CDK5RAP2: variants seen among roughly 807,000 people sequenced by gnomAD.
CDK5RAP2 encodes CDK5 regulatory subunit-associated protein 2.
A neutral mutation model predicts 232.9 loss-of-function variants in CDK5RAP2; 147 were observed. The ratio of observed to expected loss-of-function variants is 0.63; its 90% CI spans 0.55 to 0.72. The LOEUF (loss-of-function observed/expected upper bound fraction) is 0.72. Among genes scored for constraint, CDK5RAP2 ranks in the 30% least tolerant of loss-of-function variants. CDK5RAP2 has a pLI of 0.00. For missense variants in CDK5RAP2, 2,195 were observed against 2,231.5 expected (o/e 0.98, Z 0.33); for synonymous variants, 833 against 833.7 (o/e 1.00, Z 0.01).
rs777679808 is a variant in CDK5RAP2 at position 120,580,000 on chromosome 9, G to C, written c.-22C>G. 1 of 1,548,482 alleles carries C rather than the reference G, an allele frequency of 6.5e-7. No individual in the cohort carries two copies. Among genetic ancestry groups the C allele is most frequent in the East Asian group, 2.3e-5 (1 of 44,354 alleles). On this transcript the variant is annotated 5_prime_UTR_variant, in exon 1 of 38. Coordinates refer to ENST00000349780, the MANE Select transcript of CDK5RAP2 (RefSeq NM_018249.6). ...TCATGGCTACAGAGGTGGCGACAGC[G>C]TTGGTGTCTGTGGCGGCGGCGCCAC...
At chr9:120,546,025 G>A (rs2041827903) in intron 4 of CDK5RAP2, among the ~76,000 whole-genome samples, 1 of 152,192 alleles carries the variant, frequency 6.6e-6, no homozygotes, top group Non-Finnish European at 1.5e-5. Context: ...TTATGTAAAT[G>A]CTCCAAGCTT....
At chr9:120,571,576 C>T (rs550449404) in intron 2 of CDK5RAP2, among the ~76,000 whole-genome samples, 28 of 152,324 alleles carry the variant, frequency 1.8e-4, no homozygotes, top group African/African-American at 6.5e-4. Flanking sequence ...GGGCCTCAGC[C>T]GGCAAACAGG....
chr9:120,539,661 G>A (rs77976546), intron 5 of CDK5RAP2, among the ~76,000 whole-genome samples: 146 of 152,326 alleles, frequency 9.6e-4, no homozygotes, highest in South Asian at 3.1e-3. Context: ...TACAAAGTAA[G>A]TATTCAATAA....
intron 22 of CDK5RAP2, among the ~76,000 whole-genome samples, chr9:120,444,102 A>C (rs2036053617): frequency 6.6e-6 from 1 of 152,216 alleles, no homozygotes; most frequent in Non-Finnish European, 1.5e-5. Flanking sequence ...CAAAAAATAA[A>C]AACAGTATTG....
At chr9:120,513,436 C>T (rs1425169756) in intron 12 of CDK5RAP2, among the ~76,000 whole-genome samples, 2 of 152,204 alleles carry the variant, frequency 1.3e-5, no homozygotes, top group Admixed American at 6.5e-5. Flanking sequence ...CAACTTCTCT[C>T]GGGTTAATCT....
chr9:120,550,923 G>A (rs2042019953), intron 3 of CDK5RAP2, 21 bp from the exon 4 acceptor site: 1 of 1,420,480 alleles, frequency 7.0e-7, no homozygotes, highest in Non-Finnish European at 1.0e-6. Context: ...TCACAGAAGG[G>A]TCATCAAAAG....
intron 5 of CDK5RAP2, among the ~76,000 whole-genome samples, chr9:120,542,612 TA>T (rs1273182348): frequency 1.3e-5 from 2 of 152,078 alleles, no homozygotes; most frequent in Non-Finnish European, 2.9e-5. Flanking sequence ...TACAAAAATT[TA>T]AAAAGAACAT....
chr9:120,476,314 T>C (rs1399368460), intron 15 of CDK5RAP2, among the ~76,000 whole-genome samples: 2 of 152,076 alleles, frequency 1.3e-5, no homozygotes, highest in Admixed American at 6.5e-5. Context: ...GTTCTTTTGA[T>C]ATTCCCACCC....
intron 12 of CDK5RAP2, among the ~76,000 whole-genome samples, chr9:120,493,027 G>A (rs1368645588): frequency 6.6e-6 from 1 of 152,186 alleles, no homozygotes; most frequent in Non-Finnish European, 1.5e-5. Flanking sequence ...GTTCTTCAAA[G>A]CAGTGGTTCT....
At chr9:120,402,007 T>G (rs2033065167) in intron 34 of CDK5RAP2, among the ~76,000 whole-genome samples, 1 of 151,554 alleles carries the variant, frequency 6.6e-6, no homozygotes, top group Non-Finnish European at 1.5e-5. Context: ...TTTATATATA[T>G]ACTGCCAGGC....
In CDK5RAP2 at chr9:120,518,208, TGTGAGAGAGAGAGA is replaced by T. The variant is rs1371823895; in HGVS notation, c.1311+205_1311+218del. ...GTGTGTGTGTGTGTGTGTGTGTGTG[TGTGAGAGAGAGAGA>T]GAGAGAGAGAGAGAGAGAGAGCGAG... On this transcript the variant is annotated intron_variant, in intron 12 of 37. Coordinates refer to ENST00000349780, the MANE Select transcript of CDK5RAP2 (RefSeq NM_018249.6). Among the ~76,000 whole-genome samples, 332 of 111,464 alleles carry T rather than the reference TGTGAGAGAGAGAGA, an allele frequency of 3.0e-3. 1 individual carries two copies. Among genetic ancestry groups the T allele is most frequent in the African/African-American group, 0.013 (322 of 24,006 alleles). 73.1% of individuals were successfully genotyped at this position (111,464 alleles called of 152,430 possible). A position where few individuals can be genotyped will look rare whatever the true frequency, so the allele number is the denominator to read the frequency against.
chr9:120,392,530 T>C (rs569508099), intron 36 of CDK5RAP2, among the ~76,000 whole-genome samples: 1 of 152,338 alleles, frequency 6.6e-6, no homozygotes, highest in East Asian at 1.9e-4. Flanking sequence ...CCTGTGACTG[T>C]TCAGGGCCAA....
At position 120,439,129 on chromosome 9, in the gene CDK5RAP2, T is replaced by G. The variant is rs573635496; in HGVS notation, c.3722+270A>C. Among the ~76,000 whole-genome samples, 7 of 152,220 alleles carry G rather than the reference T, an allele frequency of 4.6e-5. No individual in the cohort carries two copies. The East Asian group carries it at 1.4e-3, about 29-fold the overall frequency. The stretch of plus-strand genomic sequence containing the variant: ...GAAACCTTTACCCTGAGCCCCCAAC[T>G]TGAGGAGGGCGAAATCTGCCCTGCA... On this transcript the variant is annotated intron_variant, in intron 24 of 37. Transcript: ENST00000349780.
At chr9:120,458,094 C>T (rs2036881865) in intron 20 of CDK5RAP2, among the ~76,000 whole-genome samples, 2 of 152,192 alleles carry the variant, frequency 1.3e-5, no homozygotes, top group East Asian at 1.9e-4. Context: ...AGCAGAATCA[C>T]AACTACAATG....
At chr9:120,538,955 G>T in intron 6 of CDK5RAP2, 86 bp downstream of exon 6, 1 of 1,411,824 alleles carries the variant, frequency 7.1e-7, no homozygotes, top group Non-Finnish European at 1.0e-6. Flanking sequence ...TGAAACTGAC[G>T]GTTTATAAAA....
At chr9:120,535,854 T>G (rs1162717963) in intron 7 of CDK5RAP2, among the ~76,000 whole-genome samples, 1 of 152,188 alleles carries the variant, frequency 6.6e-6, no homozygotes, top group Non-Finnish European at 1.5e-5. Context: ...CTGTACTCAT[T>G]TGGGCCTTGG....
chr9:120,405,530 C>T (rs1471434398), intron 32 of CDK5RAP2, among the ~76,000 whole-genome samples: 3 of 152,196 alleles, frequency 2.0e-5, no homozygotes, highest in Admixed American at 2.0e-4. Flanking sequence ...TTCCTGAATC[C>T]CATCTCCTCA....
chr9:120,456,746 T>C (rs756004735), intron 20 of CDK5RAP2, among the ~76,000 whole-genome samples: 3 of 152,330 alleles, frequency 2.0e-5, no homozygotes, highest in South Asian at 2.1e-4. Flanking sequence ...GTTATTTGGC[T>C]AGCCAAAGGA....
At chr9:120,474,094 C>G (rs2131546496) in intron 15 of CDK5RAP2, among the ~76,000 whole-genome samples, 1 of 152,314 alleles carries the variant, frequency 6.6e-6, no homozygotes, top group East Asian at 1.9e-4. Context: ...CTAACTGAGT[C>G]CTGATTTCCT....
Sources: gnomAD v4.1 joint callset for allele counts (sites outside exome capture counted in the v4.1 genomes callset) on GRCh38, gnomAD v4.1.1 for gene constraint, MANE v1.5 for transcripts, NCBI Gene and HGNC (gene_info 2026-07-23, HGNC 2026-07-21) for gene names.